Variants in IMMP2L observed in about 807,000 individuals in gnomAD.
IMMP2L encodes inner mitochondrial membrane peptidase subunit 2.
IMMP2L carries 18 observed loss-of-function variants against 19.3 expected under a neutral mutation model. The ratio of observed to expected loss-of-function variants is 0.93; its 90% CI spans 0.64 to 1.38. The LOEUF is 1.38. IMMP2L is among the 40% of genes most tolerant of loss of function. The pLI is 0.00. For missense variants in IMMP2L, 233 were observed against 218.2 expected (o/e 1.07, Z -0.43); for synonymous variants, 76 against 73.0 (o/e 1.04, Z -0.21).
rs1354702188 is a variant in IMMP2L at position 111,182,592 on chromosome 7, A to G, written c.240-219027T>C. On this transcript the variant is annotated intron_variant, in intron 3 of 5. Transcript: ENST00000405709. ...AAAAATGAGAATTAGAAAAGAGAGT[A>G]CAAAGTACCCACCGAAATTTTTTTC... Among the ~76,000 whole-genome samples the G allele has an allele frequency of 6.6e-5, 10 of 152,096 alleles. No homozygotes were observed. In the East Asian group the frequency reaches 1.9e-3, roughly 29 times the overall value.
chr7:110,880,671 A>G (rs1216110227), intron 5 of IMMP2L, among the ~76,000 whole-genome samples: 3 of 152,116 alleles, frequency 2.0e-5, no homozygotes, highest in East Asian at 1.9e-4. Flanking sequence ...AAGTAAAATA[A>G]AGGCTTCAAC....
chr7:111,363,800 C>T (rs1829483810), intron 3 of IMMP2L, among the ~76,000 whole-genome samples: 1 of 152,084 alleles, frequency 6.6e-6, no homozygotes, highest in African/African-American at 2.4e-5. Context: ...TCTCTAGCCT[C>T]ATCTCCCAAC....
At chr7:110,827,240 C>A (rs986264436) in intron 5 of IMMP2L, among the ~76,000 whole-genome samples, 3 of 152,058 alleles carry the variant, frequency 2.0e-5, no homozygotes, top group East Asian at 1.9e-4. Flanking sequence ...GATAAGCAAC[C>A]CACCCAAAGA....
chr7:111,443,580 A>T (rs1308317772), intron 3 of IMMP2L, among the ~76,000 whole-genome samples: 2 of 152,160 alleles, frequency 1.3e-5, no homozygotes, highest in Non-Finnish European at 2.9e-5. Flanking sequence ...GCTGCTTTAC[A>T]TTTCTTCCCA....
chr7:111,539,941 T>G (rs901693673), intron 1 of IMMP2L, among the ~76,000 whole-genome samples: 1 of 152,158 alleles, frequency 6.6e-6, no homozygotes, highest in African/African-American at 2.4e-5. Flanking sequence ...TATTCTCTGA[T>G]GCAGCTATTT....
In IMMP2L at chr7:111,465,235, C is replaced by T. The variant is rs117862778; in HGVS notation, c.239+22003G>A. ...AGTCCTCAAGTGTTTTATTTGCTTA[C>T]GACGTATTTTTGATAATTCTGCTCT... On this transcript the variant is annotated intron_variant, in intron 3 of 5. Transcript: ENST00000405709. Among the ~76,000 whole-genome samples the T allele has an allele frequency of 6.2e-3, 949 of 152,100 alleles. 7 individuals carry two copies. Among genetic ancestry groups the T allele is most frequent in the Middle Eastern group, 0.034 (10 of 294 alleles).
intron 3 of IMMP2L, among the ~76,000 whole-genome samples, chr7:111,354,891 C>A (rs560505822): frequency 2.6e-5 from 4 of 151,732 alleles, no homozygotes; most frequent in African/African-American, 9.7e-5. Context: ...AATGAAGATA[C>A]GCCATTCATT....
At chr7:111,388,399 C>G (rs892882415) in intron 3 of IMMP2L, among the ~76,000 whole-genome samples, 7 of 152,066 alleles carry the variant, frequency 4.6e-5, no homozygotes, top group Non-Finnish European at 7.4e-5. Flanking sequence ...GAAGAATAAA[C>G]CCTGTCGTTT....
At chr7:110,680,260 T>A (rs1235060875) in intron 5 of IMMP2L, among the ~76,000 whole-genome samples, 1 of 152,142 alleles carries the variant, frequency 6.6e-6, no homozygotes, top group African/African-American at 2.4e-5. Flanking sequence ...GTGTTTTTCA[T>A]ATATAAGATC....
At chr7:111,110,592 TGAA>T (rs1392088854) in intron 3 of IMMP2L, among the ~76,000 whole-genome samples, 1 of 152,146 alleles carries the variant, frequency 6.6e-6, no homozygotes, top group Non-Finnish European at 1.5e-5. Context: ...ATAACTGTCT[TGAA>T]GAATATATAT....
intron 3 of IMMP2L, among the ~76,000 whole-genome samples, chr7:111,307,041 T>C (rs751632830): frequency 2.0e-5 from 3 of 150,014 alleles, no homozygotes; most frequent in East Asian, 1.9e-4. Context: ...CTATTTTCTT[T>C]ATATAGTCCT....
chr7:111,158,000 T>C (rs895748694), intron 3 of IMMP2L, among the ~76,000 whole-genome samples: 5 of 152,042 alleles, frequency 3.3e-5, no homozygotes, highest in African/African-American at 1.2e-4. Context: ...GCAGCACAAA[T>C]CTGGCCCCGA....
intron 5 of IMMP2L, among the ~76,000 whole-genome samples, chr7:110,841,277 A>G (rs2131449377): frequency 6.6e-6 from 1 of 152,170 alleles, no homozygotes; most frequent in Admixed American, 6.5e-5. Flanking sequence ...CATCTCACAT[A>G]GTATCCTTTT....
intron 2 of IMMP2L, among the ~76,000 whole-genome samples, chr7:111,503,516 A>G (rs1394573886): frequency 6.6e-6 from 1 of 152,140 alleles, no homozygotes; most frequent in Non-Finnish European, 1.5e-5. Flanking sequence ...AGACACAACA[A>G]AAAAAGAGAA....
chr7:111,243,557 GC>G (rs1206664332), intron 3 of IMMP2L, among the ~76,000 whole-genome samples: 4 of 134,712 alleles, frequency 3.0e-5, no homozygotes, highest in Non-Finnish European at 1.6e-5. Flanking sequence ...GGGTACATGT[GC>G]ACATTGTGCA....
intron 5 of IMMP2L, among the ~76,000 whole-genome samples, chr7:110,886,369 T>C (rs1044316244): frequency 3.3e-5 from 5 of 152,086 alleles, no homozygotes; most frequent in Admixed American, 1.3e-4. Context: ...TTGAAGTGTC[T>C]GAGTTTTTTT....
At chr7:111,024,991 C>T (rs1826668928) in intron 3 of IMMP2L, among the ~76,000 whole-genome samples, 1 of 152,034 alleles carries the variant, frequency 6.6e-6, no homozygotes, top group Non-Finnish European at 1.5e-5. Flanking sequence ...TTTTGGTTAC[C>T]TACAAATAAC....
chr7:110,827,081 C>T (rs994965428), intron 5 of IMMP2L, among the ~76,000 whole-genome samples: 2 of 152,010 alleles, frequency 1.3e-5, no homozygotes, highest in Admixed American at 6.6e-5. Flanking sequence ...GTAAAAATGA[C>T]AAATTTCTTA....
At chr7:110,697,958 A>G (rs1015165391) in intron 5 of IMMP2L, among the ~76,000 whole-genome samples, 2 of 152,212 alleles carry the variant, frequency 1.3e-5, no homozygotes, top group South Asian at 2.1e-4. Context: ...AGACTTAAAT[A>G]TTTTATTGCT....
Sources: allele counts gnomAD v4.1 joint callset (sites outside exome capture counted in the v4.1 genomes callset), GRCh38; gene constraint gnomAD v4.1.1; transcripts MANE v1.5; gene names NCBI Gene and HGNC (gene_info 2026-07-23, HGNC 2026-07-21).